PPIL4: variants seen among roughly 807,000 people sequenced by gnomAD.
The protein encoded by PPIL4 is peptidyl-prolyl cis-trans isomerase-like 4.
A neutral mutation model predicts 69.1 loss-of-function variants in PPIL4; 50 were observed. The observed-to-expected ratio is 0.72, with a 90% CI of 0.58 to 0.92. The LOEUF is 0.92. Among genes scored for constraint, PPIL4 ranks in the 40% least tolerant of loss-of-function variants. PPIL4 has a pLI of 0.00. For synonymous variants in PPIL4, 193 were observed against 191.6 expected (o/e 1.01, Z -0.06); for missense variants, 480 against 587.9 (o/e 0.82, Z 1.90).
rs887560777 is a variant in PPIL4, at chr6:149,505,205, T to G, written c.*248A>C. On this transcript the variant is annotated 3_prime_UTR_variant, in exon 13 of 13. Transcript: ENST00000253329. Reference sequence around the variant, plus strand: ...TACTTCATTAAAAAAAGAGTGAAAATGTAAGACTTCAAAAATGAAGACTAC... The same window carrying G: ...TACTTCATTAAAAAAAGAGTGAAAAGGTAAGACTTCAAAAATGAAGACTAC... The G allele has an allele frequency of 8.3e-6, 3 of 359,790 alleles. No homozygotes were observed. The highest frequency in any genetic ancestry group is 1.5e-5 in the Non-Finnish European group (3 of 200,318). The allele number at this position is 359,790 out of a possible 1,614,324, so 22.3% of individuals were successfully genotyped here.
intron 8 of PPIL4, among the ~76,000 whole-genome samples, chr6:149,525,774 T>C (rs1180161122): frequency 6.6e-6 from 1 of 152,178 alleles, no homozygotes; most frequent in Non-Finnish European, 1.5e-5. Context: ...GGCTTGTCCC[T>C]TGCCCCAAGT....
chr6:149,519,946 G>C (rs547900589), intron 10 of PPIL4, among the ~76,000 whole-genome samples: 51 of 152,284 alleles, frequency 3.3e-4, no homozygotes, highest in African/African-American at 1.2e-3. Context: ...TTCAACATAT[G>C]AGAGACCCAA....
chr6:149,545,283 C>T (rs1235263061), intron 1 of PPIL4, among the ~76,000 whole-genome samples: 1 of 152,328 alleles, frequency 6.6e-6, no homozygotes, highest in South Asian at 2.1e-4. Flanking sequence ...TCTTCCCACC[C>T]CCCACCAAAG....
In PPIL4 at chr6:149,515,885, G is replaced by T. The variant is rs73781219; in HGVS notation, c.1079+1469C>A. ...ATTTCCTTCTCCTACTTCTATTTTT[G>T]ATTCTTCTTATTAATAATCTATACT... On this transcript the variant is annotated intron_variant, in intron 11 of 12. Transcript: ENST00000253329. Among the ~76,000 whole-genome samples, 534 of 152,124 alleles carry T rather than the reference G, an allele frequency of 3.5e-3. 3 individuals carry two copies. Among genetic ancestry groups the T allele is most frequent in the African/African-American group, 0.012 (504 of 41,496 alleles).
intron 12 of PPIL4, among the ~76,000 whole-genome samples, chr6:149,507,301 C>T (rs138915942): frequency 6.6e-6 from 1 of 152,318 alleles, no homozygotes; most frequent in Non-Finnish European, 1.5e-5. Flanking sequence ...GTAATAATCA[C>T]ACTGTGTAAT....
intron 11 of PPIL4, among the ~76,000 whole-genome samples, chr6:149,515,039 T>C (rs933849428): frequency 2.0e-5 from 3 of 151,950 alleles, no homozygotes; most frequent in South Asian, 2.1e-4. Flanking sequence ...AGTTTCTGCA[T>C]GTTGGCCAGG....
At chr6:149,507,777 C>CA (rs1776788868) in intron 12 of PPIL4, among the ~76,000 whole-genome samples, 1 of 152,160 alleles carries the variant, frequency 6.6e-6, no homozygotes, top group African/African-American at 2.4e-5. Flanking sequence ...CAAAGCTACA[C>CA]AAGCTTTGAA....
chr6:149,507,261 T>G lies in PPIL4; in HGVS notation c.1228-1557A>C, dbSNP rs533624386. On this transcript the variant is annotated intron_variant, in intron 12 of 12. Transcript: ENST00000253329. ...ACTGTACACCTTGAGTTTGACAGTG[T>G]GTGAAAACAGATGTAACAGGATTGT... 2.0e-5 allele frequency among the ~76,000 whole-genome samples: 3 copies of G among 152,350 alleles called. No individual in the cohort carries two copies. In the East Asian group the frequency reaches 5.8e-4, roughly 29 times the overall value.
At chr6:149,526,231 AT>A (rs1174187202) in intron 8 of PPIL4, among the ~76,000 whole-genome samples, 5 of 152,238 alleles carry the variant, frequency 3.3e-5, no homozygotes, top group Non-Finnish European at 5.9e-5. Flanking sequence ...AGACTTTTTC[AT>A]TAATGCAGGG....
At chr6:149,528,493 TACAA>T (rs963265992) in intron 7 of PPIL4, among the ~76,000 whole-genome samples, 1 of 152,212 alleles carries the variant, frequency 6.6e-6, no homozygotes. Flanking sequence ...ATCACTATAT[TACAA>T]ACAAATGCAA....
At chr6:149,513,314 G>T (rs758130347) in intron 11 of PPIL4, among the ~76,000 whole-genome samples, 37 of 139,050 alleles carry the variant, frequency 2.7e-4, no homozygotes, top group Non-Finnish European at 4.6e-4. Flanking sequence ...GAACCCAGGA[G>T]GTAGAGACTT....
At chr6:149,510,160 T>C (rs1368515838) in intron 12 of PPIL4, among the ~76,000 whole-genome samples, 1 of 152,206 alleles carries the variant, frequency 6.6e-6, no homozygotes, top group Non-Finnish European at 1.5e-5. Context: ...ATGGCAATCT[T>C]TAAACAGCTA....
Position 149,505,604 on chromosome 6 carries a change from C to T in PPIL4, c.1328G>A (p.Arg443His), listed in dbSNP as rs139121452. The part of the protein sequence containing the change: ...EKRDRTQNRS[R>H]SRSRERDGHY... ...GCCATCCCTCTCTCGAGATCGGCTACGACTTCGGTTCTGAGTTCGGTCTCT... is the reference window on the plus strand; with the variant it reads ...GCCATCCCTCTCTCGAGATCGGCTATGACTTCGGTTCTGAGTTCGGTCTCT... Residue 443 changes from arginine (R) to histidine (H), a missense_variant, in exon 13 of 13, where the codon CGT becomes CAT. Arg to His is a conservative substitution (Grantham distance 29, BLOSUM62 0). Transcript: ENST00000253329. 3.5e-4 allele frequency: 571 copies of T among 1,614,126 alleles called. No individual in the cohort carries two copies. The highest frequency in any genetic ancestry group is 4.3e-4 in the Non-Finnish European group (510 of 1,180,020).
chr6:149,512,153 A>G lies in PPIL4; in HGVS notation c.1227+2T>C. ...ACATCTAAGTCTGGACATTAGAGGTACCTGATTAGTATTTTTGATTGGCAT... is the reference window on the plus strand; with the variant it reads ...ACATCTAAGTCTGGACATTAGAGGTGCCTGATTAGTATTTTTGATTGGCAT... On this transcript the variant is annotated splice_donor_variant, in intron 12 of 12. Coordinates refer to ENST00000253329, the MANE Select transcript of PPIL4 (RefSeq NM_139126.4). LOFTEE classifies it high-confidence loss of function. The G allele has an allele frequency of 6.2e-7, 1 of 1,600,822 alleles. No individual in the cohort carries two copies. The highest frequency in any genetic ancestry group is 8.5e-7 in the Non-Finnish European group (1 of 1,173,276).
rs752835458 is a variant in PPIL4 at position 149,541,573 on chromosome 6, G to T, written c.84C>A (p.Phe28Leu). ...TEERPRACLNFLKLCKIKYYN... is the reference protein window; with the variant it reads ...TEERPRACLNLLKLCKIKYYN... The stretch of plus-strand genomic sequence containing the variant: ...AATATTTTATTTTGCACAGTTTCAA[G>T]AAATTCAAGCAGGCTGAAAGAAAGT... The change falls in exon 2 of 13, where the codon TTC (phenylalanine) becomes TTA (leucine). Residue 28 changes from phenylalanine to leucine, a missense_variant. Transcript: ENST00000253329. 1 of 1,571,514 alleles carries T rather than the reference G, an allele frequency of 6.4e-7. No homozygotes were observed. The highest frequency in any genetic ancestry group is 1.3e-5 in the African/African-American group (1 of 74,128).
Position 149,505,939 on chromosome 6 carries a change from G to A in PPIL4, c.1228-235C>T, listed in dbSNP as rs192717418. Among the ~76,000 whole-genome samples the A allele has an allele frequency of 1.7e-3, 260 of 152,216 alleles. 2 individuals are homozygous for A. Among genetic ancestry groups the A allele is most frequent in the Non-Finnish European group, 2.7e-3 (182 of 68,020 alleles). On this transcript the variant is annotated intron_variant, in intron 12 of 12. Transcript: ENST00000253329. ...CTATTTTGGCTGAAACGAAGGATCA[G>A]CTTCAAAAATATGGAACTGAAATAG...
chr6:149,544,422 T>TA (rs760442427), intron 1 of PPIL4, among the ~76,000 whole-genome samples: 58 of 152,316 alleles, frequency 3.8e-4, no homozygotes, highest in Non-Finnish European at 4.1e-4. Context: ...GTGTGTGCCC[T>TA]AAAAGTAGCA....
chr6:149,526,899 T>C (rs1777115824), intron 7 of PPIL4, 123 bp from the exon 8 acceptor site: 3 of 949,110 alleles, frequency 3.2e-6, no homozygotes, highest in South Asian at 3.0e-5. Flanking sequence ...CTGCAGGCTC[T>C]GGAAAAGAAA....
chr6:149,514,217 A>T (rs376998778), intron 11 of PPIL4, among the ~76,000 whole-genome samples: 2 of 152,168 alleles, frequency 1.3e-5, no homozygotes, highest in African/African-American at 4.8e-5. Context: ...TCACTATGCT[A>T]CTCTGTTTCC....
Sources: gnomAD v4.1 joint callset for allele counts (sites outside exome capture counted in the v4.1 genomes callset) on GRCh38, gnomAD v4.1.1 for gene constraint, MANE v1.5 for transcripts, NCBI Gene and HGNC (gene_info 2026-07-23, HGNC 2026-07-21) for gene names.